The following FOXP1 variants were observed in gnomAD, a reference collection of about 807,000 sequenced individuals.
FOXP1 encodes forkhead box P1.
A neutral mutation model predicts 98.2 loss-of-function variants in FOXP1; 15 were observed. That is an observed-to-expected ratio of 0.15 (90% CI 0.10 to 0.24). The LOEUF (loss-of-function observed/expected upper bound fraction) is 0.24. Ranked by LOEUF, FOXP1 falls within the 10% of genes least tolerant of loss-of-function variation. The pLI, the probability that FOXP1 is intolerant of heterozygous loss-of-function variation, is 1.00. For synonymous variants in FOXP1, 371 were observed against 314.5 expected (o/e 1.18, Z -1.90); for missense variants, 633 against 848.5 (o/e 0.75, Z 3.15).
intron 3 of FOXP1, among the ~76,000 whole-genome samples, chr3:71,371,592 C>G (rs1374423934): frequency 6.6e-6 from 1 of 152,148 alleles, no homozygotes; most frequent in Admixed American, 6.5e-5. Flanking sequence ...TTGTGACCAG[C>G]CTGGGCAACA....
intron 5 of FOXP1, among the ~76,000 whole-genome samples, chr3:71,247,339 T>G (rs550621761): frequency 2.0e-5 from 3 of 152,216 alleles, no homozygotes. Context: ...GCTGCGACCT[T>G]CTGCCTGGAA....
intron 5 of FOXP1, among the ~76,000 whole-genome samples, chr3:71,269,205 A>G (rs2070081261): frequency 6.6e-6 from 1 of 151,884 alleles, no homozygotes; most frequent in South Asian, 2.1e-4. Flanking sequence ...TCTCGAAAAC[A>G]TGAGATTTCA....
At chr3:71,418,426 C>T (rs955317251) in intron 3 of FOXP1, among the ~76,000 whole-genome samples, 3 of 152,198 alleles carry the variant, frequency 2.0e-5, no homozygotes, top group African/African-American at 7.2e-5. Context: ...AATTTTCCCT[C>T]ATGGGCTCCA....
chr3:71,460,293 G>A (rs1298336868), intron 3 of FOXP1, among the ~76,000 whole-genome samples: 1 of 152,006 alleles, frequency 6.6e-6, no homozygotes, highest in East Asian at 1.9e-4. Flanking sequence ...AAGCTGGAAT[G>A]CAGTGGCGTG....
chr3:71,565,077 C>G (rs1344004129), intron 2 of FOXP1, among the ~76,000 whole-genome samples: 1 of 152,044 alleles, frequency 6.6e-6, no homozygotes. Flanking sequence ...CCAGCCTGGG[C>G]GACAGAGCAA....
intron 3 of FOXP1, among the ~76,000 whole-genome samples, chr3:71,371,640 A>G (rs1280139479): frequency 6.6e-6 from 1 of 152,216 alleles, no homozygotes; most frequent in Non-Finnish European, 1.5e-5. Context: ...TTAAAAAATT[A>G]CGCAGGCATG....
At chr3:71,236,871 T>A (rs1313332542) in intron 5 of FOXP1, among the ~76,000 whole-genome samples, 6 of 149,446 alleles carry the variant, frequency 4.0e-5, no homozygotes, top group Admixed American at 2.7e-4. Flanking sequence ...AGATCCTGTC[T>A]TAAGGAAAAA....
At chr3:71,438,698 A>T (rs1446823472) in intron 3 of FOXP1, among the ~76,000 whole-genome samples, 1 of 152,076 alleles carries the variant, frequency 6.6e-6, no homozygotes, top group Non-Finnish European at 1.5e-5. Flanking sequence ...CCCATTCTGC[A>T]AATAGAATTA....
chr3:70,965,841 G>A, intron 20 of FOXP1, 49 bp downstream of exon 20: 1 of 1,579,020 alleles, frequency 6.3e-7, no homozygotes, highest in Non-Finnish European at 8.7e-7. Context: ...CGTGTACCTA[G>A]GGAGACTAGG....
intron 3 of FOXP1, among the ~76,000 whole-genome samples, chr3:71,458,831 C>T (rs1302731198): frequency 1.3e-5 from 2 of 152,166 alleles, no homozygotes; most frequent in Non-Finnish European, 2.9e-5. Flanking sequence ...GGGATTTGGG[C>T]ACCGTAGGTT....
intron 5 of FOXP1, among the ~76,000 whole-genome samples, chr3:71,200,967 A>G (rs2063637428): frequency 6.6e-6 from 1 of 152,234 alleles, no homozygotes; most frequent in Admixed American, 6.5e-5. Context: ...AAAGACGTAT[A>G]TATTTTTTAA....
At chr3:71,234,508 G>T (rs957014581) in intron 5 of FOXP1, among the ~76,000 whole-genome samples, 1 of 152,190 alleles carries the variant, frequency 6.6e-6, no homozygotes, top group Non-Finnish European at 1.5e-5. Flanking sequence ...AAGTTGCACC[G>T]CCTACAGAAA....
At chr3:71,240,023 C>A (rs1227864857) in intron 5 of FOXP1, among the ~76,000 whole-genome samples, 1 of 152,192 alleles carries the variant, frequency 6.6e-6, no homozygotes. Flanking sequence ...GGATGGAGAA[C>A]TGGGGGGCTT....
rs185424340 is a variant in FOXP1 at position 71,479,490 on chromosome 3, C to A, written c.-168+13936G>T. Among the ~76,000 whole-genome samples, 353 of 152,006 alleles carry A rather than the reference C, an allele frequency of 2.3e-3. 3 individuals are homozygous for A. Among genetic ancestry groups the A allele is most frequent in the African/African-American group, 8.0e-3 (334 of 41,492 alleles). On this transcript the variant is annotated intron_variant, in intron 3 of 20. Coordinates refer to ENST00000649528, the MANE Select transcript of FOXP1 (RefSeq NM_001349338.3). ...GGTCAGGAGTTCAAGACCATCCTGA[C>A]CAACATGTTGAAACTCCGTCTCTAC...
At chr3:71,045,438 C>T (rs772025567) in intron 10 of FOXP1, among the ~76,000 whole-genome samples, 32 of 152,224 alleles carry the variant, frequency 2.1e-4, no homozygotes, top group East Asian at 9.6e-4. Flanking sequence ...AGCTCAAGTC[C>T]GGTAGGTGTG....
chr3:71,412,584 G>C (rs1270660996), intron 3 of FOXP1, among the ~76,000 whole-genome samples: 1 of 152,174 alleles, frequency 6.6e-6, no homozygotes, highest in African/African-American at 2.4e-5. Context: ...TGTTACCCAA[G>C]AGGGATGCAC....
At chr3:71,037,667 C>A (rs1405060767) in intron 11 of FOXP1, among the ~76,000 whole-genome samples, 2 of 152,184 alleles carry the variant, frequency 1.3e-5, no homozygotes, top group African/African-American at 2.4e-5. Context: ...AATTTATATA[C>A]AATCAGCACA....
rs34268092 is a variant in FOXP1 at position 71,281,241 on chromosome 3, T to TAA, written c.-12+18577_-12+18578dup. On this transcript the variant is annotated intron_variant, in intron 5 of 20. Coordinates refer to ENST00000649528, the MANE Select transcript of FOXP1 (RefSeq NM_001349338.3). ...AGACCCCATCTCAAGATAAAAATTT[T>TAA]AAAAAAAAAAAGAAAAAGAAAAGGA... is the stretch of plus-strand genomic sequence containing the variant. Among the ~76,000 whole-genome samples, 178 of 128,644 alleles carry TAA rather than the reference T, an allele frequency of 1.4e-3. 1 individual carries two copies. The highest frequency in any genetic ancestry group is 2.2e-3 in the Admixed American group (29 of 13,264). The allele number at this position is 128,644 out of a possible 152,430, so 84.4% of individuals were successfully genotyped here.
chr3:71,476,544 G>A lies in FOXP1; in HGVS notation c.-168+16882C>T, dbSNP rs2089861013. On this transcript the variant is annotated intron_variant, in intron 3 of 20. Coordinates refer to ENST00000649528, the MANE Select transcript of FOXP1 (RefSeq NM_001349338.3). ...TAAAATTTCATGCCATTTTGTTATT[G>A]CAATGGCGCGATCTCAGCTCACTGC... 3.3e-5 allele frequency among the ~76,000 whole-genome samples: 5 copies of A among 151,962 alleles called. No homozygotes were observed. The South Asian group carries it at 1.0e-3, about 31-fold the overall frequency.
Sources: gnomAD v4.1 joint callset for allele counts (sites outside exome capture counted in the v4.1 genomes callset) on GRCh38, gnomAD v4.1.1 for gene constraint, MANE v1.5 for transcripts, NCBI Gene and HGNC (gene_info 2026-07-23, HGNC 2026-07-21) for gene names.